ZC3H12B: variants seen among roughly 807,000 people sequenced by gnomAD.
ZC3H12B encodes zinc finger CCCH-type containing 12B, also known as probable ribonuclease ZC3H12B.
A neutral mutation model predicts 43.9 loss-of-function variants in ZC3H12B; 7 were observed. That is an observed-to-expected ratio of 0.16 (90% CI 0.09 to 0.30). The LOEUF (loss-of-function observed/expected upper bound fraction) is 0.30. Ranked by LOEUF, ZC3H12B falls within the 10% of genes least tolerant of loss-of-function variation. ZC3H12B has a pLI of 1.00. For missense variants in ZC3H12B, 475 were observed against 670.2 expected (o/e 0.71, Z 3.22); for synonymous variants, 222 against 241.7 (o/e 0.92, Z 0.76).
chrX:65,372,967 C>T (rs1458825775), intron 2 of ZC3H12B, among the ~76,000 whole-genome samples: 1 of 112,074 alleles, frequency 8.9e-6, no homozygotes, highest in Non-Finnish European at 1.9e-5. Flanking sequence ...GAACTGAATT[C>T]AAGCTGGACA....
At chrX:65,391,071 C>A (rs189628230) in intron 2 of ZC3H12B, among the ~76,000 whole-genome samples, 1 of 111,615 alleles carries the variant, frequency 9.0e-6, no homozygotes, top group Admixed American at 9.5e-5. Context: ...TGAAGATGTG[C>A]AAGTCAAGTA....
the ZC3H12B span, among the ~76,000 whole-genome samples, chrX:65,041,428 G>A: frequency 3.9e-3 from 441 of 111,925 alleles, 1 homozygote; most frequent in Non-Finnish European, 7.5e-3. Context: ...GTTATAAGAA[G>A]GGAGGAACAT....
At chrX:65,042,644 G>A in the ZC3H12B span, among the ~76,000 whole-genome samples, 3 of 112,031 alleles carry the variant, frequency 2.7e-5, no homozygotes, top group Non-Finnish European at 5.6e-5. Flanking sequence ...ATTTTAGGTT[G>A]TACTTTACAC....
chrX:65,307,818 C>T, the ZC3H12B span, among the ~76,000 whole-genome samples: 2 of 111,791 alleles, frequency 1.8e-5, no homozygotes, highest in African/African-American at 6.5e-5. Flanking sequence ...TAAACACAAA[C>T]ATTTAAAGTT....
chrX:65,140,555 T>G, the ZC3H12B span, among the ~76,000 whole-genome samples: 1 of 111,700 alleles, frequency 9.0e-6, no homozygotes. Flanking sequence ...GCCATAATTT[T>G]CTTTTCTATT....
At chrX:65,074,649 G>T in the ZC3H12B span, among the ~76,000 whole-genome samples, 1 of 111,378 alleles carries the variant, frequency 9.0e-6, no homozygotes, top group Admixed American at 9.5e-5. Flanking sequence ...TAGACTTTCT[G>T]CACTTCTTTT....
the ZC3H12B span, among the ~76,000 whole-genome samples, chrX:65,276,803 AAAAT>A: frequency 8.9e-6 from 1 of 111,879 alleles, no homozygotes; most frequent in Non-Finnish European, 1.9e-5. Context: ...CCCAACTTCA[AAAAT>A]AAATAATAGG....
the ZC3H12B span, among the ~76,000 whole-genome samples, chrX:65,159,429 C>T: frequency 9.0e-6 from 1 of 111,284 alleles, no homozygotes; most frequent in East Asian, 2.8e-4. Flanking sequence ...TTGTTTGTAT[C>T]CTCTTATTTC....
the ZC3H12B span, among the ~76,000 whole-genome samples, chrX:65,261,314 T>C: frequency 1.8e-5 from 2 of 111,741 alleles, no homozygotes; most frequent in South Asian, 7.4e-4. Context: ...AACAAGATAA[T>C]CAGCAACGTC....
chrX:65,113,985 G>GCATATATATATATATATATA, the ZC3H12B span, among the ~76,000 whole-genome samples: 1 of 47,483 alleles, frequency 2.1e-5, no homozygotes, highest in South Asian at 2.8e-3. Flanking sequence ...AGATATGCTT[G>GCATATATATATATATATATA]TATATATATA....
chrX:65,171,964 G>T, the ZC3H12B span, among the ~76,000 whole-genome samples: 506 of 112,285 alleles, frequency 4.5e-3, 1 homozygote, highest in Non-Finnish European at 7.0e-3. Flanking sequence ...GCTAGGAAAG[G>T]GAATTCCCCG....
chrX:65,442,998 C>A (rs769450104), intron 3 of ZC3H12B, among the ~76,000 whole-genome samples: 14 of 110,838 alleles, frequency 1.3e-4, no homozygotes, highest in South Asian at 1.2e-3. Flanking sequence ...TTTGGGGGGT[C>A]ATTTTCCTCA....
At chrX:65,488,938 C>T in exon 1 of ZC3H12B, 1 of 1,210,648 alleles carries the variant, frequency 8.3e-7, no homozygotes, top group South Asian at 1.8e-5. Context: ...GAGAGTGACC[C>T]TGAACAGATA....
At chrX:65,231,948 A>G in the ZC3H12B span, among the ~76,000 whole-genome samples, 4 of 111,545 alleles carry the variant, frequency 3.6e-5, no homozygotes, top group African/African-American at 1.3e-4. Flanking sequence ...TTAAAGTAAG[A>G]CAGGAGGTCG....
chrX:65,482,670 T>A (rs1602516927), intron 3 of ZC3H12B, among the ~76,000 whole-genome samples: 2 of 112,268 alleles, frequency 1.8e-5, no homozygotes, highest in East Asian at 5.5e-4. Context: ...GAATCAAGTA[T>A]AAATTGAGGT....
the ZC3H12B span, among the ~76,000 whole-genome samples, chrX:65,344,021 T>G: frequency 1.8e-5 from 2 of 112,031 alleles, no homozygotes; most frequent in Admixed American, 1.9e-4. Flanking sequence ...TAACTAGAAT[T>G]TTTATACACC....
At chrX:65,502,471 G>T (rs762832277) in exon 5 of ZC3H12B, 9 of 1,208,894 alleles carry the variant, frequency 7.4e-6, no homozygotes. Context: ...GCCATACCAG[G>T]AATGACAACT....
At chrX:65,460,840 C>T (rs7877681) in intron 3 of ZC3H12B, among the ~76,000 whole-genome samples, 1 of 110,841 alleles carries the variant, frequency 9.0e-6, no homozygotes, top group Admixed American at 9.6e-5. Context: ...AATGGCAACA[C>T]AAGCCAAAAT....
chrX:65,068,317 T>C, the ZC3H12B span, among the ~76,000 whole-genome samples: 1 of 110,915 alleles, frequency 9.0e-6, no homozygotes, highest in South Asian at 3.8e-4. Context: ...CTTCGTTTAG[T>C]GAAGGTTCTT....
Sources: gnomAD v4.1 joint callset for allele counts (sites outside exome capture counted in the v4.1 genomes callset) on GRCh38, gnomAD v4.1.1 for gene constraint, MANE v1.5 for transcripts, NCBI Gene and HGNC (gene_info 2026-07-23, HGNC 2026-07-21) for gene names.